Variants in COG7 observed in about 807,000 individuals in gnomAD.
COG7 encodes the protein conserved oligomeric Golgi complex subunit 7.
Under a neutral mutation model 91.5 loss-of-function variants are expected in COG7, and 49 were observed. That is an observed-to-expected ratio of 0.54 (90% CI 0.43 to 0.68). The LOEUF (loss-of-function observed/expected upper bound fraction) is 0.68, where lower values mean the gene tolerates loss of function less well. Ranked by LOEUF, COG7 falls within the 30% of genes least tolerant of loss-of-function variation. The pLI, the probability that COG7 is intolerant of heterozygous loss-of-function variation, is 0.00. For synonymous variants in COG7, 365 were observed against 388.7 expected (o/e 0.94, Z 0.72); for missense variants, 895 against 961.3 (o/e 0.93, Z 0.91).
chr16:23,392,208 G>T (rs773590219), intron 16 of COG7, 172 bp downstream of exon 16: 7 of 1,501,918 alleles, frequency 4.7e-6, no homozygotes, highest in Non-Finnish European at 4.4e-6. Flanking sequence ...TGCTAAGTCA[G>T]AATCTCTGGG....
chr16:23,436,130 G>A (rs1381294065), intron 4 of COG7, among the ~76,000 whole-genome samples: 2 of 152,144 alleles, frequency 1.3e-5, no homozygotes, highest in Non-Finnish European at 2.9e-5. Flanking sequence ...GCTGAGCTGG[G>A]AGTATCACTT....
chr16:23,393,815 A>C (rs911687500), intron 14 of COG7, among the ~76,000 whole-genome samples: 12 of 151,930 alleles, frequency 7.9e-5, no homozygotes, highest in Non-Finnish European at 1.5e-4. Context: ...GCCGAGGCGG[A>C]TGGATCTCCT....
chr16:23,450,478 A>G (rs1448091775), intron 1 of COG7, among the ~76,000 whole-genome samples: 1 of 152,102 alleles, frequency 6.6e-6, no homozygotes, highest in Non-Finnish European at 1.5e-5. Flanking sequence ...CCCACTGCCC[A>G]TTTCTGGACA....
intron 4 of COG7, among the ~76,000 whole-genome samples, chr16:23,439,977 T>A (rs1964074026): frequency 6.6e-6 from 1 of 151,824 alleles, no homozygotes; most frequent in South Asian, 2.1e-4. Context: ...AGAAATTACA[T>A]GTCCTTTCTT....
chr16:23,452,847 C>T lies in COG7; in HGVS notation c.148G>A (p.Glu50Lys), dbSNP rs1350033778. Reference protein sequence around the residue: ...LVMKLQLFIQEVNHAVEETSH... With the variant: ...LVMKLQLFIQKVNHAVEETSH... ...TCACCCTCCACGGCGTGGTTCACCT[C>T]TTGGATGAACAGCTGCAGCTTCATC... The change falls in exon 1 of 17, where the codon GAG becomes AAG. Residue 50 changes from glutamate to lysine, a missense_variant. Physicochemically the swap from Glu to Lys is moderately conservative, Grantham distance 56. Coordinates refer to ENST00000307149, the MANE Select transcript of COG7 (RefSeq NM_153603.4). The T allele has an allele frequency of 6.2e-7, 1 of 1,613,502 alleles. No individual in the cohort carries two copies. Among genetic ancestry groups the T allele is most frequent in the African/African-American group, 1.3e-5 (1 of 75,058 alleles).
intron 6 of COG7, among the ~76,000 whole-genome samples, chr16:23,430,589 T>C (rs897123801): frequency 2.0e-5 from 3 of 151,970 alleles, no homozygotes; most frequent in African/African-American, 7.2e-5. Flanking sequence ...TTGCCCAGGT[T>C]GGAGTGCAGT....
At chr16:23,410,409 C>T (rs1232937283) in intron 10 of COG7, 49 bp from the exon 11 acceptor site, 8 of 1,432,352 alleles carry the variant, frequency 5.6e-6, no homozygotes, top group South Asian at 1.2e-5. Context: ...GAATGCCAGC[C>T]TTTACAGGAC....
chr16:23,438,812 G>C (rs1377001387), intron 4 of COG7, among the ~76,000 whole-genome samples: 1 of 151,850 alleles, frequency 6.6e-6, no homozygotes, highest in East Asian at 1.9e-4. Flanking sequence ...AGTGTAAAAT[G>C]GTGCAGCCAC....
chr16:23,449,999 A>T (rs544965293), intron 1 of COG7, among the ~76,000 whole-genome samples: 182 of 151,858 alleles, frequency 1.2e-3, no homozygotes, highest in African/African-American at 4.2e-3. Flanking sequence ...TAGTGGTGGG[A>T]TCTCTGCTCA....
intron 3 of COG7, among the ~76,000 whole-genome samples, chr16:23,444,347 T>C (rs1226901197): frequency 6.6e-6 from 1 of 151,978 alleles, no homozygotes; most frequent in Non-Finnish European, 1.5e-5. Context: ...CATCCTTACA[T>C]CCCAGGTGGA....
intron 14 of COG7, among the ~76,000 whole-genome samples, chr16:23,395,597 C>G (rs2142060442): frequency 6.6e-6 from 1 of 152,318 alleles, no homozygotes; most frequent in Non-Finnish European, 1.5e-5. Flanking sequence ...TTTCAGTAAT[C>G]TGACATCTCT....
intron 11 of COG7, among the ~76,000 whole-genome samples, chr16:23,409,888 C>A (rs1161429747): frequency 6.6e-6 from 1 of 152,146 alleles, no homozygotes; most frequent in Non-Finnish European, 1.5e-5. Context: ...CCTAAGTTCA[C>A]CCCGATCCTG....
At chr16:23,434,373 TAAATTA>T (rs1250749083) in intron 5 of COG7, among the ~76,000 whole-genome samples, 1 of 152,086 alleles carries the variant, frequency 6.6e-6, no homozygotes, top group Non-Finnish European at 1.5e-5. Context: ...AAAATGAGAA[TAAATTA>T]AAACAACGTT....
intron 16 of COG7, chr16:23,391,996 G>A: frequency 8.5e-7 from 1 of 1,176,692 alleles, no homozygotes; most frequent in Non-Finnish European, 1.1e-6. Flanking sequence ...TAAGACGATG[G>A]GTGCGAGTGC....
chr16:23,388,890 G>A lies in COG7; in HGVS notation c.*30C>T. ...GGTGAGTCGCGAAACAGCAGCCCTG[G>A]CTCTCTTGGTGGTCCGGTGTGTGGT... On this transcript the variant is annotated 3_prime_UTR_variant, in exon 17 of 17. Coordinates refer to ENST00000307149, the MANE Select transcript of COG7 (RefSeq NM_153603.4). 1 of 1,613,726 alleles carries A rather than the reference G, an allele frequency of 6.2e-7. No individual in the cohort carries two copies. Among genetic ancestry groups the A allele is most frequent in the Non-Finnish European group, 8.5e-7 (1 of 1,179,832 alleles).
chr16:23,417,115 C>A lies in COG7; in HGVS notation c.1144G>T (p.Gly382Trp). ...TCCTGCACACAGTCAATCACTTCCC[C>A]ATGCTCCTGGTCAGCAAATACAGAC... ...IQMSAVPLEHGEVIDCVQELS... is the reference protein window; with the variant it reads ...IQMSAVPLEHWEVIDCVQELS... Residue 382 changes from glycine (G) to tryptophan (W), a missense_variant, in exon 9 of 17, where the codon GGG becomes TGG. Gly to Trp is a radical substitution (Grantham distance 184). Transcript: ENST00000307149. 1 of 1,614,250 alleles carries A rather than the reference C, an allele frequency of 6.2e-7. No homozygotes were observed.
chr16:23,420,495 T>C (rs1409675146), intron 7 of COG7, among the ~76,000 whole-genome samples: 1 of 152,156 alleles, frequency 6.6e-6, no homozygotes, highest in Non-Finnish European at 1.5e-5. Flanking sequence ...CTTCTCTCAG[T>C]TCCTAAAAGC....
chr16:23,421,850 C>CAAAAAAAAAA (rs369425955), intron 7 of COG7, among the ~76,000 whole-genome samples: 1 of 47,638 alleles, frequency 2.1e-5, no homozygotes, highest in African/African-American at 7.8e-5. Context: ...GACTCCATCT[C>CAAAAAAAAAA]AAAAAAAAAA....
intron 4 of COG7, among the ~76,000 whole-genome samples, chr16:23,441,171 C>G (rs1396250471): frequency 3.9e-5 from 6 of 152,110 alleles, no homozygotes; most frequent in Admixed American, 2.0e-4. Flanking sequence ...ATTTTCAAAA[C>G]TGAAAAAGAA....
Sources: allele counts gnomAD v4.1 joint callset (sites outside exome capture counted in the v4.1 genomes callset), GRCh38; gene constraint gnomAD v4.1.1; transcripts MANE v1.5; gene names NCBI Gene and HGNC (gene_info 2026-07-23, HGNC 2026-07-21).